Variants in ATP8B4 observed in about 807,000 individuals in gnomAD.
The protein encoded by ATP8B4 is ATPase phospholipid transporting 8B4 (putative).
ATP8B4 carries 133 observed loss-of-function variants against 145.6 expected under a neutral mutation model. The observed-to-expected ratio is 0.91, with a 90% confidence interval of 0.79 to 1.05. The LOEUF (loss-of-function observed/expected upper bound fraction) is 1.05, where lower values mean the gene tolerates loss of function less well. ATP8B4 is among the 50% of genes least tolerant of loss of function. The pLI is 0.00. For synonymous variants in ATP8B4, 507 were observed against 492.9 expected (o/e 1.03, Z -0.38); for missense variants, 1,458 against 1,425.2 (o/e 1.02, Z -0.37).
chr15:49,920,434 T>A (rs757334777), intron 17 of ATP8B4, 24 bp from the exon 18 acceptor site: 1 of 1,582,054 alleles, frequency 6.3e-7, no homozygotes, highest in South Asian at 1.2e-5. Flanking sequence ...CATAGACTCA[T>A]GAACCATCAA....
intron 8 of ATP8B4, among the ~76,000 whole-genome samples, chr15:49,996,976 T>C (rs1402893125): frequency 6.6e-6 from 1 of 152,132 alleles, no homozygotes; most frequent in Non-Finnish European, 1.5e-5. Flanking sequence ...CACATCTTTA[T>C]AACAACACAA....
chr15:49,911,930 A>T (rs1257379970), intron 20 of ATP8B4, among the ~76,000 whole-genome samples: 1 of 152,168 alleles, frequency 6.6e-6, no homozygotes, highest in Non-Finnish European at 1.5e-5. Flanking sequence ...TTCCTGAATG[A>T]ATACTGGGCC....
intron 6 of ATP8B4, among the ~76,000 whole-genome samples, chr15:50,035,960 G>A (rs1335976631): frequency 3.3e-5 from 5 of 152,078 alleles, no homozygotes; most frequent in Non-Finnish European, 7.4e-5. Context: ...ACCCACCCCA[G>A]CAACTCCTGG....
At chr15:49,986,765 T>TAA (rs915587846) in intron 10 of ATP8B4, among the ~76,000 whole-genome samples, 1 of 152,238 alleles carries the variant, frequency 6.6e-6, no homozygotes, top group African/African-American at 2.4e-5. Flanking sequence ...GATGCTACTG[T>TAA]AAGCTTTCTT....
At chr15:50,002,257 A>G (rs751671467) in intron 7 of ATP8B4, 34 bp from the exon 8 acceptor site, 2 of 1,549,470 alleles carry the variant, frequency 1.3e-6, no homozygotes, top group Non-Finnish European at 1.8e-6. Context: ...AGAATACTTG[A>G]GAAGTTAGAT....
chr15:50,011,895 T>TA (rs111715695), intron 6 of ATP8B4, among the ~76,000 whole-genome samples: 23,908 of 151,870 alleles, frequency 0.16, 1,982 homozygotes, highest in East Asian at 0.26. Flanking sequence ...CATTGTACTT[T>TA]AAAAAAAATA....
In ATP8B4 at chr15:49,918,967, A is replaced by G; in HGVS notation, c.1924-17T>C. The G allele has an allele frequency of 6.4e-7, 1 of 1,570,596 alleles. No homozygotes were observed. Among genetic ancestry groups the G allele is most frequent in the Non-Finnish European group, 8.7e-7 (1 of 1,144,486 alleles). ...ACCTAGTAGCTTTATTGAAAAAGAGAGAAAAGTTTATGTTAATGCATGCAA... is the reference window on the plus strand; with the variant it reads ...ACCTAGTAGCTTTATTGAAAAAGAGGGAAAAGTTTATGTTAATGCATGCAA... On this transcript the variant is annotated splice_polypyrimidine_tract_variant and intron_variant, in intron 18 of 27. Transcript: ENST00000284509.
intron 3 of ATP8B4, among the ~76,000 whole-genome samples, chr15:50,062,571 T>C (rs780932928): frequency 6.6e-6 from 1 of 152,072 alleles, no homozygotes; most frequent in Non-Finnish European, 1.5e-5. Flanking sequence ...AAATAATATA[T>C]GAGAGGAAGA....
intron 2 of ATP8B4, among the ~76,000 whole-genome samples, chr15:50,077,751 A>G (rs1263765166): frequency 6.6e-6 from 1 of 152,210 alleles, no homozygotes; most frequent in Non-Finnish European, 1.5e-5. Flanking sequence ...CAAAGAGAGC[A>G]GACAACACGT....
chr15:49,959,822 T>C (rs184066646), intron 14 of ATP8B4, among the ~76,000 whole-genome samples: 5 of 152,298 alleles, frequency 3.3e-5, no homozygotes, highest in Admixed American at 3.3e-4. Context: ...TTGAAATACA[T>C]ACTGTGTTCT....
intron 14 of ATP8B4, among the ~76,000 whole-genome samples, chr15:49,953,674 C>T (rs564840000): frequency 6.6e-6 from 1 of 152,334 alleles, no homozygotes; most frequent in South Asian, 2.1e-4. Flanking sequence ...GCTGCTCCTT[C>T]CTCAAGGAGC....
At chr15:50,009,581 T>C (rs1366214167) in intron 7 of ATP8B4, 7 of 410,256 alleles carry the variant, frequency 1.7e-5, no homozygotes, top group Non-Finnish European at 3.4e-5. Flanking sequence ...CAGTTCCCCA[T>C]CTAGTGCCCT....
rs372959117 is a variant in ATP8B4 at position 50,104,130 on chromosome 15, T to C, written c.28+2809A>G. Among the ~76,000 whole-genome samples the C allele has an allele frequency of 7.9e-5, 12 of 152,268 alleles. No homozygotes were observed. The East Asian group carries it at 2.1e-3, about 27-fold the overall frequency. On this transcript the variant is annotated intron_variant, in intron 2 of 27. Coordinates refer to ENST00000284509, the MANE Select transcript of ATP8B4 (RefSeq NM_024837.4). ...CTAAGAACTGAAACTATAAAAATTA[T>C]AGAAGATAACATGAGAAAAACCCTT...
At chr15:50,138,326 GTAGA>G (rs71124324) in intron 1 of ATP8B4, among the ~76,000 whole-genome samples, 12,853 of 148,094 alleles carry the variant, frequency 0.087, 603 homozygotes, top group African/African-American at 0.13. Flanking sequence ...AGATAGATAG[GTAGA>G]TAGATAGATA....
intron 2 of ATP8B4, among the ~76,000 whole-genome samples, chr15:50,104,813 T>C (rs1040882770): frequency 2.6e-5 from 4 of 151,036 alleles, no homozygotes; most frequent in Admixed American, 2.0e-4. Context: ...GCAAAAAATA[T>C]GGAAGCAGCC....
intron 13 of ATP8B4, among the ~76,000 whole-genome samples, chr15:49,966,993 C>T (rs2044611716): frequency 6.6e-6 from 1 of 152,152 alleles, no homozygotes; most frequent in Admixed American, 6.5e-5. Flanking sequence ...TGGAGTGGAC[C>T]TCCAGCAAAC....
chr15:50,079,736 A>T (rs969940292), intron 2 of ATP8B4, among the ~76,000 whole-genome samples: 1 of 152,186 alleles, frequency 6.6e-6, no homozygotes, highest in Non-Finnish European at 1.5e-5. Context: ...AAATCCAGGA[A>T]TATATTTTGG....
In ATP8B4 at chr15:49,897,356, T is replaced by C. The variant is rs188756527; in HGVS notation, c.2633A>G (p.Tyr878Cys). ...CACAAGTGTAAATGCAAAATTCTTA[T>C]AGAAGAAATAGCATAAGAATTTGCA... ...RMCKFLCYFFYKNFAFTLVHF... is the reference protein window; with the variant it reads ...RMCKFLCYFFCKNFAFTLVHF... The change falls in exon 23 of 28, where the codon TAT (tyrosine) becomes TGT (cysteine). Residue 878 changes from tyrosine to cysteine, a missense_variant. Physicochemically the swap from Tyr to Cys is radical, Grantham distance 194 (BLOSUM62 -2). Coordinates refer to ENST00000284509, the MANE Select transcript of ATP8B4 (RefSeq NM_024837.4). 2.0e-5 allele frequency: 33 copies of C among 1,613,848 alleles called. No individual in the cohort carries two copies. In the Admixed American group the frequency reaches 4.5e-4, roughly 22 times the overall value.
At chr15:49,975,372 G>A (rs1286726660) in intron 12 of ATP8B4, among the ~76,000 whole-genome samples, 2 of 152,024 alleles carry the variant, frequency 1.3e-5, no homozygotes, top group East Asian at 3.8e-4. Flanking sequence ...ACATAAAATG[G>A]CAGAGTATTT....
Sources: gnomAD v4.1 joint callset for allele counts (sites outside exome capture counted in the v4.1 genomes callset) on GRCh38, gnomAD v4.1.1 for gene constraint, MANE v1.5 for transcripts, NCBI Gene and HGNC (gene_info 2026-07-23, HGNC 2026-07-21) for gene names.